SAMMSON: variants seen among roughly 807,000 people sequenced by gnomAD.
The protein encoded by SAMMSON is survival associated mitochondrial melanoma specific oncogenic non-coding RNA, also known as long intergenic non-protein coding RNA 1212.
chr3:70,342,091 C>T (rs766580640), intron 7 of SAMMSON, among the ~76,000 whole-genome samples: 5 of 152,128 alleles, frequency 3.3e-5, no homozygotes, highest in South Asian at 2.1e-4. Context: ...AGTAACAAAG[C>T]GTAGTCTGAA....
At chr3:70,179,725 GT>G (rs751432706) in intron 4 of SAMMSON, among the ~76,000 whole-genome samples, 9 of 152,048 alleles carry the variant, frequency 5.9e-5, no homozygotes, top group South Asian at 2.1e-4. Flanking sequence ...GAACTTAAGA[GT>G]TTTTTTAAAT....
At chr3:70,208,110 T>C (rs1445974405) in intron 4 of SAMMSON, among the ~76,000 whole-genome samples, 1 of 152,084 alleles carries the variant, frequency 6.6e-6, no homozygotes, top group Non-Finnish European at 1.5e-5. Context: ...ATGGTGCAGT[T>C]AGCTTATAAC....
At chr3:70,091,272 A>G (rs2067303831) in intron 4 of SAMMSON, among the ~76,000 whole-genome samples, 1 of 152,130 alleles carries the variant, frequency 6.6e-6, no homozygotes, top group Non-Finnish European at 1.5e-5. Context: ...GTGTATGTGA[A>G]GCCCTCAGGC....
At chr3:70,297,533 T>C (rs904752258) in intron 7 of SAMMSON, among the ~76,000 whole-genome samples, 4 of 152,158 alleles carry the variant, frequency 2.6e-5, no homozygotes, top group Admixed American at 2.0e-4. Context: ...TGAAGGCTTA[T>C]TATTGCATAT....
chr3:70,076,844 G>T (rs1417853805), intron 4 of SAMMSON, among the ~76,000 whole-genome samples: 2 of 152,114 alleles, frequency 1.3e-5, no homozygotes, highest in Non-Finnish European at 2.9e-5. Flanking sequence ...TCATTTCTGA[G>T]AAGTTAAATG....
intron 3 of SAMMSON, among the ~76,000 whole-genome samples, chr3:70,015,728 G>A (rs1434150598): frequency 5.3e-5 from 8 of 151,130 alleles, no homozygotes; most frequent in Non-Finnish European, 8.8e-5. Context: ...CCCACCCCAC[G>A]ACAGGCCCCG....
chr3:70,265,320 C>T (rs1478984414), intron 6 of SAMMSON, among the ~76,000 whole-genome samples: 1 of 152,050 alleles, frequency 6.6e-6, no homozygotes, highest in African/African-American at 2.4e-5. Context: ...AGATATTCTC[C>T]CAAGTGTGAT....
intron 2 of SAMMSON, among the ~76,000 whole-genome samples, chr3:70,396,256 A>G (rs144767908): frequency 1.1e-4 from 16 of 152,354 alleles, no homozygotes; most frequent in Non-Finnish European, 2.4e-4. Flanking sequence ...ATGAAATATT[A>G]CAATATGAAA....
intron 4 of SAMMSON, among the ~76,000 whole-genome samples, chr3:70,117,568 C>T (rs9824486): frequency 0.018 from 2,814 of 152,222 alleles, 77 homozygotes; most frequent in African/African-American, 0.057. Context: ...ATTTATAGAG[C>T]CCTTGTTCCA....
chr3:70,209,900 T>C (rs1701326389), intron 4 of SAMMSON, among the ~76,000 whole-genome samples: 1 of 152,074 alleles, frequency 6.6e-6, no homozygotes, highest in African/African-American at 2.4e-5. Flanking sequence ...ATCCTTCTTG[T>C]TCCATTACAG....
At chr3:70,014,988 A>T (rs1018784756) in intron 3 of SAMMSON, 2 of 152,310 alleles carry the variant, frequency 1.3e-5, no homozygotes, top group Non-Finnish European at 1.5e-5. Flanking sequence ...TTAGATGTAA[A>T]ACCATCTTGG....
intron 9 of SAMMSON, among the ~76,000 whole-genome samples, chr3:70,362,400 A>G (rs1385657694): frequency 2.0e-5 from 3 of 152,114 alleles, no homozygotes; most frequent in Non-Finnish European, 4.4e-5. Flanking sequence ...AGCCCAGAAC[A>G]CGTATGTCTT....
chr3:70,305,624 G>A (rs546680561), intron 7 of SAMMSON, among the ~76,000 whole-genome samples: 17 of 152,098 alleles, frequency 1.1e-4, no homozygotes, highest in East Asian at 1.9e-4. Context: ...TTTTCTCTGC[G>A]TTCAAGAGGA....
intron 6 of SAMMSON, among the ~76,000 whole-genome samples, chr3:70,289,316 T>C (rs1398914922): frequency 6.6e-6 from 1 of 151,836 alleles, no homozygotes; most frequent in Non-Finnish European, 1.5e-5. Flanking sequence ...CCTTTGCTTA[T>C]GAAGCTTAGT....
intron 4 of SAMMSON, among the ~76,000 whole-genome samples, chr3:70,134,022 T>A (rs2067494629): frequency 6.9e-6 from 1 of 144,640 alleles, no homozygotes; most frequent in Admixed American, 7.3e-5. Flanking sequence ...GGCAGGCAGA[T>A]CACGAGGCCA....
chr3:70,187,258 G>A (rs970438507), intron 4 of SAMMSON, among the ~76,000 whole-genome samples: 8 of 152,092 alleles, frequency 5.3e-5, no homozygotes, highest in African/African-American at 1.9e-4. Flanking sequence ...GGTTTCATCA[G>A]AGTACCCATG....
intron 3 of SAMMSON, chr3:70,013,779 A>G (rs536125421): frequency 6.6e-6 from 1 of 152,292 alleles, no homozygotes; most frequent in Non-Finnish European, 1.5e-5. Flanking sequence ...TTATTCAACC[A>G]CTTTCTTATT....
At chr3:70,361,343 A>G (rs146145277) in intron 9 of SAMMSON, among the ~76,000 whole-genome samples, 2 of 152,276 alleles carry the variant, frequency 1.3e-5, no homozygotes, top group East Asian at 3.9e-4. Context: ...TAGATTACCA[A>G]TTTTCAAAGA....
chr3:69,999,910 G>A lies in SAMMSON; in HGVS notation n.22+43G>A, dbSNP rs2066899062. On this transcript the variant is annotated intron_variant and non_coding_transcript_variant, in intron 1 of 9. Coordinates refer to ENST00000642114, the Ensembl canonical transcript of SAMMSON. ...CAGTGGGAGGAGAGCTGGGGCCGCC[G>A]AGCTGCCCTACTCCAGGGGAAAACC... 2.0e-5 allele frequency: 3 copies of A among 152,334 alleles called. No homozygotes were observed. In the South Asian group the frequency reaches 6.2e-4, roughly 32 times the overall value. The allele number at this position is 152,334 out of a possible 1,614,324, so 9.4% of individuals were successfully genotyped here. A position where few individuals can be genotyped will look rare whatever the true frequency, so the allele number is the denominator to read the frequency against.
Sources: gnomAD v4.1 joint callset for allele counts (sites outside exome capture counted in the v4.1 genomes callset) on GRCh38, gnomAD v4.1.1 for gene constraint, MANE v1.5 for transcripts, NCBI Gene and HGNC (gene_info 2026-07-23, HGNC 2026-07-21) for gene names.